Variants in RPL34 observed in about 807,000 individuals in gnomAD.
RPL34 encodes large ribosomal subunit protein eL34.
In RPL34, 2 loss-of-function variants were observed where a neutral mutation model predicts 16.3. The observed-to-expected ratio is 0.12, with a 90% CI of 0.05 to 0.39. The LOEUF is 0.39. Among genes scored for constraint, RPL34 ranks in the 10% least tolerant of loss-of-function variants. The probability of loss-of-function intolerance (pLI) is 0.99; values close to 1 mark genes in which losing one functional copy is unlikely to be tolerated. For missense variants in RPL34, 82 were observed against 148.8 expected (o/e 0.55, Z 2.33); for synonymous variants, 47 against 48.5 (o/e 0.97, Z 0.13).
At chr4:108,620,850 A>T (rs1200871215) in intron 1 of RPL34, 1 of 152,504 alleles carries the variant, frequency 6.6e-6, no homozygotes, top group South Asian at 2.0e-4. Context: ...TTCCAAGTGT[A>T]GCGTTTGGAG....
rs1725951980 is a variant in RPL34, at chr4:108,625,113, T to C, written c.270-15T>C. On this transcript the variant is annotated splice_polypyrimidine_tract_variant and intron_variant, in intron 4 of 4. Coordinates refer to ENST00000394667, the MANE Select transcript of RPL34 (RefSeq NM_001319236.2). Reference sequence around the variant, plus strand: ...CATTTTAAAGAAATGATTAATTTGGTATTTTCCTTTCTAGGATCAAGCGTG... The same window carrying C: ...CATTTTAAAGAAATGATTAATTTGGCATTTTCCTTTCTAGGATCAAGCGTG... 3.8e-6 allele frequency: 6 copies of C among 1,560,804 alleles called. No homozygotes were observed. The highest frequency in any genetic ancestry group is 5.3e-6 in the Non-Finnish European group (6 of 1,136,428).
At chr4:108,629,061 G>A (rs937747433), downstream of RPL34, among the ~76,000 whole-genome samples, 4 of 152,010 alleles carry the variant, frequency 2.6e-5, no homozygotes, top group South Asian at 2.1e-4. Flanking sequence ...CAGAATGTCC[G>A]CCCGCCTCGG....
rs1725960251 is a variant in RPL34, at chr4:108,625,260, A to AT, written c.*49dup. On this transcript the variant is annotated 3_prime_UTR_variant, in exon 5 of 5. Transcript: ENST00000394667. ...ATAAAAATGAAAAGACGCTGTATGT[A>AT]TGACTTTTTTTTTTTCTGTTGTAAT... 7.6e-6 allele frequency: 9 copies of AT among 1,182,714 alleles called. No individual in the cohort carries two copies. The highest frequency in any genetic ancestry group is 1.1e-5 in the Non-Finnish European group (9 of 813,762). 73.3% of individuals were successfully genotyped at this position (1,182,714 alleles called of 1,614,324 possible). A position where few individuals can be genotyped will look rare whatever the true frequency, so the allele number is the denominator to read the frequency against.
downstream of RPL34, among the ~76,000 whole-genome samples, chr4:108,626,073 TG>T (rs1468802664): frequency 3.9e-5 from 6 of 152,206 alleles, no homozygotes; most frequent in African/African-American, 1.2e-4. Context: ...GTATAGTTTC[TG>T]ATCTACATTG....
downstream of RPL34, among the ~76,000 whole-genome samples, chr4:108,627,874 T>G (rs1478943426): frequency 6.6e-6 from 1 of 151,892 alleles, no homozygotes; most frequent in Non-Finnish European, 1.5e-5. Context: ...AAAAAAAAAT[T>G]TAATTTTAAC....
rs75077899 is a variant in RPL34, at chr4:108,622,327, C to G, written c.165+123C>G. 2,154 of 859,168 alleles carry G rather than the reference C, an allele frequency of 2.5e-3. 43 individuals carry two copies. In the East Asian group the frequency reaches 0.044, roughly 18 times the overall value. 53.2% of individuals were successfully genotyped at this position (859,168 alleles called of 1,614,324 possible). A position where few individuals can be genotyped will look rare whatever the true frequency, so the allele number is the denominator to read the frequency against. ...AGAGGGTTCAGAATTACTAAACATT[C>G]ATGAGCCAAATCTGCCACGAACATA... On this transcript the variant is annotated intron_variant, in intron 3 of 4. Transcript: ENST00000394667.
intron 4 of RPL34, 49 bp downstream of exon 4, chr4:108,622,667 T>C: frequency 8.6e-7 from 1 of 1,167,404 alleles, no homozygotes; most frequent in South Asian, 1.4e-5. Flanking sequence ...ATTGTGTGTG[T>C]TATACTGTCT....
intron 3 of RPL34, 78 bp from the exon 4 acceptor site, chr4:108,622,437 C>T: frequency 9.2e-7 from 1 of 1,087,456 alleles, no homozygotes; most frequent in Non-Finnish European, 1.4e-6. Flanking sequence ...CTACTTTAAA[C>T]TTGCCCTTAA....
chr4:108,621,737 T>C, intron 1 of RPL34: 1 of 487,726 alleles, frequency 2.1e-6, no homozygotes. Context: ...AAGTGCCACG[T>C]TTGATTACCA....
downstream of RPL34, among the ~76,000 whole-genome samples, chr4:108,625,750 C>T (rs1725979684): frequency 6.6e-6 from 1 of 152,180 alleles, no homozygotes; most frequent in African/African-American, 2.4e-5. Context: ...TTGGTGACAG[C>T]TCTACCGCTG....
At chr4:108,620,882 G>A (rs1277790426) in intron 1 of RPL34, 1 of 152,276 alleles carries the variant, frequency 6.6e-6, no homozygotes, top group Non-Finnish European at 1.5e-5. Context: ...GTGGTTTGGC[G>A]GTTTGAGTCT....
chr4:108,624,851 A>G (rs1468707937), intron 4 of RPL34, among the ~76,000 whole-genome samples: 1 of 152,122 alleles, frequency 6.6e-6, no homozygotes, highest in Non-Finnish European at 1.5e-5. Flanking sequence ...GATCCTAACA[A>G]TAAATTAGAG....
At chr4:108,622,441 C>A in intron 3 of RPL34, 74 bp from the exon 4 acceptor site, 2 of 1,136,590 alleles carry the variant, frequency 1.8e-6, no homozygotes, top group Non-Finnish European at 2.7e-6. Flanking sequence ...TTTAAACTTG[C>A]CCTTAACACT....
chr4:108,622,832 G>A (rs371359136), intron 4 of RPL34: 29 of 424,850 alleles, frequency 6.8e-5, no homozygotes, highest in African/African-American at 5.1e-4. Flanking sequence ...GAGATTAAAA[G>A]GAACTTGGTT....
At chr4:108,622,660 G>A in intron 4 of RPL34, 42 bp downstream of exon 4, 2 of 1,275,220 alleles carry the variant, frequency 1.6e-6, no homozygotes. Context: ...GCAAATTATT[G>A]TGTGTGTTAT....
At chr4:108,627,442 A>G (rs947929023), downstream of RPL34, among the ~76,000 whole-genome samples, 1 of 152,234 alleles carries the variant, frequency 6.6e-6, no homozygotes, top group East Asian at 1.9e-4. Flanking sequence ...ATGGGATTTC[A>G]TAACACCTTT....
chr4:108,627,614 C>T (rs1162129650), downstream of RPL34, among the ~76,000 whole-genome samples: 1 of 151,664 alleles, frequency 6.6e-6, no homozygotes, highest in Non-Finnish European at 1.5e-5. Context: ...GTAATCCCAG[C>T]ACTTTGGGAG....
At chr4:108,626,642 T>G (rs546626600), downstream of RPL34, among the ~76,000 whole-genome samples, 17 of 152,190 alleles carry the variant, frequency 1.1e-4, no homozygotes, top group African/African-American at 4.1e-4. Flanking sequence ...TTTTGCCATA[T>G]TGGCCAGGTT....
chr4:108,625,059 C>T (rs1234025575), intron 4 of RPL34, 69 bp from the exon 5 acceptor site: 1 of 1,083,494 alleles, frequency 9.2e-7, no homozygotes, highest in Admixed American at 2.0e-5. Context: ...CCATGTTTGC[C>T]TTCTCTGTGC....
Sources: allele counts gnomAD v4.1 joint callset (sites outside exome capture counted in the v4.1 genomes callset), GRCh38; gene constraint gnomAD v4.1.1; transcripts MANE v1.5; gene names NCBI Gene and HGNC (gene_info 2026-07-23, HGNC 2026-07-21).